Variants in PTPRD observed in about 807,000 individuals in gnomAD.
The protein encoded by PTPRD is receptor-type tyrosine-protein phosphatase delta.
PTPRD carries 34 observed loss-of-function variants against 214.5 expected under a neutral mutation model. The ratio of observed to expected loss-of-function variants is 0.16; its 90% CI spans 0.12 to 0.21. The LOEUF is 0.21. Ranked by LOEUF, PTPRD falls within the 10% of genes least tolerant of loss-of-function variation. The pLI, the probability that PTPRD is intolerant of heterozygous loss-of-function variation, is 1.00. For missense variants in PTPRD, 2,545 were observed against 2,398.7 expected (o/e 1.06, Z -1.27); for synonymous variants, 1,128 against 845.7 (o/e 1.33, Z -5.79).
chr9:9,112,529 G>A lies in PTPRD; in HGVS notation c.-143+70775C>T, dbSNP rs551225282. The stretch of plus-strand genomic sequence containing the variant: ...AAAATTCTCTTTCTTAGAAGTCAAT[G>A]CTTGAAGGAGATTAGGACTATTTAT... On this transcript the variant is annotated intron_variant, in intron 10 of 45. Transcript: ENST00000381196. 5.3e-5 allele frequency among the ~76,000 whole-genome samples: 8 copies of A among 152,242 alleles called. No homozygotes were observed. In the East Asian group the frequency reaches 1.5e-3, roughly 29 times the overall value.
At chr9:8,888,345 A>G (rs2098509060) in intron 11 of PTPRD, among the ~76,000 whole-genome samples, 1 of 152,216 alleles carries the variant, frequency 6.6e-6, no homozygotes, top group Non-Finnish European at 1.5e-5. Flanking sequence ...TAATTGGGTG[A>G]TATAATCTGG....
intron 4 of PTPRD, among the ~76,000 whole-genome samples, chr9:10,019,634 G>A (rs183158841): frequency 6.6e-6 from 1 of 152,132 alleles, no homozygotes; most frequent in African/African-American, 2.4e-5. Flanking sequence ...GTAGGGACAT[G>A]GATGAAGCTG....
intron 2 of PTPRD, among the ~76,000 whole-genome samples, chr9:10,460,625 G>C (rs372831923): frequency 4.2e-4 from 64 of 152,140 alleles, no homozygotes; most frequent in African/African-American, 1.5e-3. Flanking sequence ...ATGAGGAAAG[G>C]ACAATGTCTT....
intron 19 of PTPRD, among the ~76,000 whole-genome samples, chr9:8,522,909 T>G (rs996294744): frequency 6.6e-6 from 1 of 152,146 alleles, no homozygotes; most frequent in Non-Finnish European, 1.5e-5. Flanking sequence ...AGTAATTCTG[T>G]CTGAAAACTT....
At chr9:8,702,667 G>T (rs370068853) in intron 12 of PTPRD, among the ~76,000 whole-genome samples, 2 of 152,186 alleles carry the variant, frequency 1.3e-5, no homozygotes, top group African/African-American at 4.8e-5. Flanking sequence ...CAGCTGGAGT[G>T]CAGTGGCACG....
At chr9:9,239,662 G>C (rs2099969324) in intron 9 of PTPRD, among the ~76,000 whole-genome samples, 1 of 152,086 alleles carries the variant, frequency 6.6e-6, no homozygotes, top group African/African-American at 2.4e-5. Context: ...TTGGGATCTG[G>C]GCAGATGGCC....
At position 8,815,275 on chromosome 9, in the gene PTPRD, T is replaced by A. The variant is rs568731057; in HGVS notation, c.-103-81329A>T. Among the ~76,000 whole-genome samples, 14 of 152,226 alleles carry A rather than the reference T, an allele frequency of 9.2e-5. 1 individual carries two copies. Among genetic ancestry groups the A allele is most frequent in the African/African-American group, 3.4e-4 (14 of 41,548 alleles). On this transcript the variant is annotated intron_variant, in intron 11 of 45. Transcript: ENST00000381196. ...CTCTGCTGCTGCTACTGTCATAAAT[T>A]TAACTGGCTTACCTTTAATCACAGG... is the stretch of plus-strand genomic sequence containing the variant.
chr9:8,665,816 G>A (rs1274007275), intron 12 of PTPRD, among the ~76,000 whole-genome samples: 1 of 152,084 alleles, frequency 6.6e-6, no homozygotes, highest in Non-Finnish European at 1.5e-5. Context: ...AATATCCAAA[G>A]AAATACTTTA....
At chr9:9,644,842 G>C (rs1054638794) in intron 7 of PTPRD, among the ~76,000 whole-genome samples, 9 of 152,158 alleles carry the variant, frequency 5.9e-5, no homozygotes, top group Non-Finnish European at 1.0e-4. Flanking sequence ...GTCAAGAGGA[G>C]AAGATTCTTT....
At chr9:8,453,215 G>A (rs1335921773) in intron 33 of PTPRD, among the ~76,000 whole-genome samples, 1 of 152,204 alleles carries the variant, frequency 6.6e-6, no homozygotes, top group African/African-American at 2.4e-5. Context: ...CCAGGCTGGA[G>A]TGCAGTGGTG....
intron 3 of PTPRD, among the ~76,000 whole-genome samples, chr9:10,253,503 C>T (rs1253434244): frequency 6.6e-6 from 1 of 152,310 alleles, no homozygotes; most frequent in Non-Finnish European, 1.5e-5. Flanking sequence ...ACTCTTTTAA[C>T]GCATAAAACT....
chr9:9,955,848 T>C (rs1219220703), intron 4 of PTPRD, among the ~76,000 whole-genome samples: 1 of 152,128 alleles, frequency 6.6e-6, no homozygotes, highest in South Asian at 2.1e-4. Flanking sequence ...AAAATAATCA[T>C]ACTGCTTTCA....
At chr9:9,932,192 A>T (rs934796045) in intron 5 of PTPRD, among the ~76,000 whole-genome samples, 1 of 150,992 alleles carries the variant, frequency 6.6e-6, no homozygotes, top group African/African-American at 2.5e-5. Flanking sequence ...AAAGGAACGC[A>T]GTTCCTCACC....
intron 9 of PTPRD, among the ~76,000 whole-genome samples, chr9:9,254,663 G>A (rs563694973): frequency 6.6e-6 from 1 of 152,132 alleles, no homozygotes; most frequent in Non-Finnish European, 1.5e-5. Flanking sequence ...ATTAACATCT[G>A]GAAGCCTTAG....
chr9:9,569,508 A>G (rs1464203770), intron 8 of PTPRD, among the ~76,000 whole-genome samples: 2 of 151,720 alleles, frequency 1.3e-5, no homozygotes, highest in Non-Finnish European at 3.0e-5. Flanking sequence ...AATTAAATAT[A>G]TGCCATTGAA....
intron 3 of PTPRD, among the ~76,000 whole-genome samples, chr9:10,261,261 G>A (rs1426160224): frequency 6.6e-6 from 1 of 151,490 alleles, no homozygotes. Context: ...ATGAATCTTA[G>A]AATTCACGTG....
chr9:9,334,493 A>G (rs1480683739), intron 9 of PTPRD, among the ~76,000 whole-genome samples: 2 of 152,016 alleles, frequency 1.3e-5, no homozygotes, highest in African/African-American at 4.8e-5. Flanking sequence ...CAAGTTCAGA[A>G]GTGACAGAAT....
At chr9:8,817,917 C>G (rs1224291925) in intron 11 of PTPRD, among the ~76,000 whole-genome samples, 2 of 152,134 alleles carry the variant, frequency 1.3e-5, no homozygotes, top group Admixed American at 6.6e-5. Flanking sequence ...TCAAATAAAA[C>G]TACAGTTAGT....
chr9:9,271,629 C>T (rs916829221), intron 9 of PTPRD, among the ~76,000 whole-genome samples: 12 of 151,326 alleles, frequency 7.9e-5, no homozygotes, highest in Admixed American at 7.9e-4. Flanking sequence ...TGTTGCTATG[C>T]AACTCAGAGA....
Sources: allele counts gnomAD v4.1 joint callset (sites outside exome capture counted in the v4.1 genomes callset), GRCh38; gene constraint gnomAD v4.1.1; transcripts MANE v1.5; gene names NCBI Gene and HGNC (gene_info 2026-07-23, HGNC 2026-07-21).